MYH15: variants seen among roughly 807,000 people sequenced by gnomAD.
The protein encoded by MYH15 is myosin heavy chain 15.
Under a neutral mutation model 240.5 loss-of-function variants are expected in MYH15, and 227 were observed. That is an observed-to-expected ratio of 0.94 (90% CI 0.85 to 1.05). The LOEUF (loss-of-function observed/expected upper bound fraction) is 1.05. Among genes scored for constraint, MYH15 ranks in the 50% least tolerant of loss-of-function variants. The pLI, the probability that MYH15 is intolerant of heterozygous loss-of-function variation, is 0.00. For synonymous variants in MYH15, 785 were observed against 796.7 expected, an observed-to-expected ratio of 0.99 and a Z score of 0.25; for missense variants, 2,217 against 2,247.5, an observed-to-expected ratio of 0.99 and a Z score of 0.27.
chr3:108,499,587 G>T, intron 4 of MYH15, 105 bp from the exon 5 acceptor site: 1 of 1,092,538 alleles, frequency 9.2e-7, no homozygotes. Context: ...TCAGACACAA[G>T]GGAAAGGATT....
In MYH15 at chr3:108,489,756, A is replaced by G. The variant is rs2083332637; in HGVS notation, c.871+2744T>C. Among the ~76,000 whole-genome samples the G allele has an allele frequency of 2.6e-5, 4 of 152,194 alleles. No individual in the cohort carries two copies. The South Asian group carries it at 8.3e-4, about 31-fold the overall frequency. On this transcript the variant is annotated intron_variant, in intron 9 of 40. Transcript: ENST00000693548. The stretch of plus-strand genomic sequence containing the variant: ...CGTTAAGATATGCCCTCTTGTATTA[A>G]GCCTCAGGATACTCTGAAGCTCTTC...
the MYH15 span, among the ~76,000 whole-genome samples, chr3:108,544,466 A>C: frequency 6.6e-6 from 1 of 152,204 alleles, no homozygotes; most frequent in Non-Finnish European, 1.5e-5. Context: ...GCAACATGGC[A>C]AACAAAATAT....
chr3:108,385,882 T>C (rs567144169), intron 38 of MYH15, among the ~76,000 whole-genome samples: 1 of 152,162 alleles, frequency 6.6e-6, no homozygotes, highest in South Asian at 2.1e-4. Flanking sequence ...TTAGCCAAGC[T>C]ATTCTCATCA....
chr3:108,493,967 G>A (rs1255764504), intron 7 of MYH15, among the ~76,000 whole-genome samples: 1 of 152,218 alleles, frequency 6.6e-6, no homozygotes, highest in African/African-American at 2.4e-5. Context: ...CATAAGGCAG[G>A]ATCTAGAGGG....
Position 108,500,199 on chromosome 3 carries a change from C to T in MYH15, c.415G>A (p.Ala139Thr), listed in dbSNP as rs182324086. 5.4e-5 allele frequency: 87 copies of T among 1,613,884 alleles called. No individual in the cohort carries two copies. The highest frequency in any genetic ancestry group is 7.7e-5 in the South Asian group (7 of 91,072). Residue 139 changes from alanine (A) to threonine (T), a missense_variant, in exon 4 of 41, where the codon GCC becomes ACC. By Grantham distance (58) the Ala-to-Thr change is moderately conservative. Transcript: ENST00000693548. ...TCTGATCGCCTCTTCCCTTTGTAGG[C>T]GGCCATGACTTCTTTCTGATACACG... ...LPVYQKEVMA[A>T]YKGKRRSEAP...
intron 5 of MYH15, among the ~76,000 whole-genome samples, chr3:108,498,939 C>T (rs1268172699): frequency 6.6e-6 from 1 of 152,230 alleles, no homozygotes; most frequent in Non-Finnish European, 1.5e-5. Flanking sequence ...CATCAAAATT[C>T]ACATACAATA....
intron 21 of MYH15, among the ~76,000 whole-genome samples, chr3:108,452,105 G>C (rs2082978910): frequency 6.6e-6 from 1 of 152,094 alleles, no homozygotes; most frequent in East Asian, 1.9e-4. Flanking sequence ...TATACCACAA[G>C]TGGGTGAGAA....
chr3:108,524,770 T>A (rs1469455803), intron 1 of MYH15, among the ~76,000 whole-genome samples: 1 of 152,096 alleles, frequency 6.6e-6, no homozygotes, highest in Non-Finnish European at 1.5e-5. Context: ...ATTTCTCTCA[T>A]GAAGTCTGGA....
At chr3:108,524,150 C>A (rs1243469208) in intron 1 of MYH15, among the ~76,000 whole-genome samples, 3 of 151,890 alleles carry the variant, frequency 2.0e-5, no homozygotes, top group African/African-American at 7.2e-5. Flanking sequence ...AAGGCAGTAA[C>A]AATTAACAAT....
At chr3:108,513,561 A>C (rs2083536716), upstream of MYH15, among the ~76,000 whole-genome samples, 1 of 152,192 alleles carries the variant, frequency 6.6e-6, no homozygotes, top group African/African-American at 2.4e-5. Context: ...GTGTGCATAC[A>C]ATTCATCACC....
upstream of MYH15, among the ~76,000 whole-genome samples, chr3:108,533,056 A>C (rs1343043874): frequency 2.0e-5 from 3 of 151,842 alleles, no homozygotes; most frequent in South Asian, 2.1e-4. Flanking sequence ...CCTAGTCTCA[A>C]ATTACGTCTT....
chr3:108,551,048 T>C, the MYH15 span: 1 of 526,892 alleles, frequency 1.9e-6, no homozygotes. Flanking sequence ...TAACTTCTTA[T>C]TGTTACGAAG....
intron 12 of MYH15, 119 bp from the exon 13 acceptor site, chr3:108,470,966 C>T: frequency 2.5e-6 from 2 of 786,330 alleles, no homozygotes; most frequent in African/African-American, 1.7e-5. Context: ...ACCTTCTGTG[C>T]TTCCAACATT....
the MYH15 span, among the ~76,000 whole-genome samples, chr3:108,539,283 G>A: frequency 6.6e-6 from 1 of 152,144 alleles, no homozygotes; most frequent in Non-Finnish European, 1.5e-5. Flanking sequence ...TCAAAAGCAG[G>A]TGAAACAATA....
intron 1 of MYH15, among the ~76,000 whole-genome samples, chr3:108,516,221 A>G (rs1034392880): frequency 3.9e-5 from 6 of 152,234 alleles, no homozygotes; most frequent in African/African-American, 1.4e-4. Context: ...TCATCAAGGT[A>G]CGTTATTATG....
intron 21 of MYH15, among the ~76,000 whole-genome samples, chr3:108,450,879 GA>G (rs2082967769): frequency 6.6e-6 from 1 of 151,528 alleles, no homozygotes; most frequent in Non-Finnish European, 1.5e-5. Context: ...GAAAGTAGAA[GA>G]AAAGAAAGAA....
At chr3:108,390,812 T>C (rs1055917923) in intron 37 of MYH15, among the ~76,000 whole-genome samples, 6 of 152,218 alleles carry the variant, frequency 3.9e-5, no homozygotes, top group African/African-American at 1.4e-4. Context: ...TTTTTAATTA[T>C]AAAGTATGCA....
upstream of MYH15, among the ~76,000 whole-genome samples, chr3:108,533,143 G>C (rs1404311713): frequency 3.1e-5 from 3 of 95,440 alleles, no homozygotes; most frequent in African/African-American, 1.1e-4. Flanking sequence ...TTTTTCATGA[G>C]TATTGAGCAG....
chr3:108,403,150 T>C (rs1466122214), intron 33 of MYH15, among the ~76,000 whole-genome samples: 1 of 152,210 alleles, frequency 6.6e-6, no homozygotes, highest in Non-Finnish European at 1.5e-5. Context: ...ACATACCAGC[T>C]GCTTGTACTT....
Sources: allele counts gnomAD v4.1 joint callset (sites outside exome capture counted in the v4.1 genomes callset), GRCh38; gene constraint gnomAD v4.1.1; transcripts MANE v1.5; gene names NCBI Gene and HGNC (gene_info 2026-07-23, HGNC 2026-07-21).